Variants in WDR37 observed in about 807,000 individuals in gnomAD.
WDR37 encodes the protein WD repeat domain 37.
A neutral mutation model predicts 62.9 loss-of-function variants in WDR37; 19 were observed. That is an observed-to-expected ratio of 0.30 (90% CI 0.21 to 0.44). WDR37 has a LOEUF of 0.44. WDR37 is among the 20% of genes least tolerant of loss of function. The pLI is 1.00. For synonymous variants in WDR37, 250 were observed against 260.9 expected (o/e 0.96, Z 0.40); for missense variants, 474 against 657.6 (o/e 0.72, Z 3.05).
chr10:1,065,834 A>T (rs1285860565), intron 1 of WDR37, among the ~76,000 whole-genome samples: 2 of 152,194 alleles, frequency 1.3e-5, no homozygotes, highest in African/African-American at 4.8e-5. Flanking sequence ...AGCCAAATCA[A>T]TAAGGTAGTA....
At chr10:1,087,623 A>C (rs529276814) in intron 7 of WDR37, among the ~76,000 whole-genome samples, 3 of 151,610 alleles carry the variant, frequency 2.0e-5, no homozygotes, top group African/African-American at 7.3e-5. Context: ...TCTTAATGGT[A>C]GGCTTAAAAT....
At chr10:1,091,614 C>G (rs936181698) in intron 7 of WDR37, among the ~76,000 whole-genome samples, 1 of 152,170 alleles carries the variant, frequency 6.6e-6, no homozygotes, top group Non-Finnish European at 1.5e-5. Context: ...TTGGTGTCCC[C>G]AGAGTGACAG....
chr10:1,114,484 G>T (rs540835856), intron 11 of WDR37, among the ~76,000 whole-genome samples: 2 of 152,206 alleles, frequency 1.3e-5, no homozygotes. Context: ...GTGTTTTTTA[G>T]TGGTAAAATT....
intron 2 of WDR37, among the ~76,000 whole-genome samples, chr10:1,073,172 A>G (rs776956630): frequency 1.3e-5 from 2 of 152,218 alleles, no homozygotes; most frequent in Admixed American, 6.5e-5. Context: ...CAGTATATTT[A>G]TATTAAAATA....
In WDR37 at chr10:1,105,751, C is replaced by G. The variant is rs774226257; in HGVS notation, c.1103+484C>G. On this transcript the variant is annotated intron_variant, in intron 11 of 13. Coordinates refer to ENST00000263150, the MANE Select transcript of WDR37 (RefSeq NM_014023.4). This position sits in a 1 kb window ranked among gnomAD's most constrained non-coding sequence, Gnocchi z 5.3. ...ACATAGACCCTCAATCCAGTGTGTC[C>G]CTCTCTGCTTGGGTTTCTCTCCGGC... Among the ~76,000 whole-genome samples the G allele has an allele frequency of 2.8e-4, 43 of 151,992 alleles. No homozygotes were observed. Among genetic ancestry groups the G allele is most frequent in the Non-Finnish European group, 3.4e-4 (23 of 68,010 alleles).
At position 1,103,300 on chromosome 10, in the gene WDR37, C is replaced by A. The variant is rs781520989; in HGVS notation, c.727-302C>A. 3.9e-5 allele frequency among the ~76,000 whole-genome samples: 6 copies of A among 152,158 alleles called. No individual in the cohort carries two copies. The highest frequency in any genetic ancestry group is 6.5e-5 in the Admixed American group (1 of 15,278). On this transcript the variant is annotated intron_variant, in intron 9 of 13. Coordinates refer to ENST00000263150, the MANE Select transcript of WDR37 (RefSeq NM_014023.4). The surrounding 1 kb of genome is among the most constrained non-coding windows in gnomAD (Gnocchi z 6.3). Reference sequence around the variant, plus strand: ...TGATGAAAGCTTAAATGTTGAAAATCATTTTATTTGCCATTCTGTTGATGC... The same window carrying A: ...TGATGAAAGCTTAAATGTTGAAAATAATTTTATTTGCCATTCTGTTGATGC...
intron 1 of WDR37, among the ~76,000 whole-genome samples, chr10:1,068,943 A>G (rs902061692): frequency 3.3e-5 from 5 of 152,262 alleles, no homozygotes; most frequent in African/African-American, 1.2e-4. Flanking sequence ...GTCACAGACC[A>G]GAGCGTATGT....
chr10:1,123,867 G>A (rs1165725485), intron 11 of WDR37: 1 of 214,184 alleles, frequency 4.7e-6, no homozygotes, highest in African/African-American at 2.3e-5. Context: ...TTGATTGACA[G>A]TTGTTGTTGG....
chr10:1,080,013 C>T lies in WDR37; in HGVS notation c.238C>T (p.Arg80Cys). The T allele has an allele frequency of 1.9e-6, 3 of 1,613,762 alleles. No homozygotes were observed. Among genetic ancestry groups the T allele is most frequent in the Non-Finnish European group, 1.7e-6 (2 of 1,179,826 alleles). The change falls in exon 4 of 14, where the codon CGT (arginine) becomes TGT (cysteine). Residue 80 changes from arginine to cysteine, a missense_variant and splice_region_variant. By Grantham distance (180) the Arg-to-Cys change is radical (BLOSUM62 -3). Transcript: ENST00000263150. ...TTTGAAAACTTTTTTCTTCCCAGTA[C>T]GTAGAGAAATCGACACTCTTAATGA... The part of the protein sequence containing the change: ...ENLYIENLEL[R>C]REIDTLNERL...
Position 1,080,489 on chromosome 10 carries a change from C to T in WDR37, c.396+13C>T. On this transcript the variant is annotated intron_variant, in intron 5 of 13. Transcript: ENST00000263150. ...TTCCACCAGCAAGGTATGCAGGCCA[C>T]TGGCTCTTGAGCCATCATGTGGTGG... is the stretch of plus-strand genomic sequence containing the variant. 6.2e-7 allele frequency: 1 copy of T among 1,614,124 alleles called. No individual in the cohort carries two copies. Among genetic ancestry groups the T allele is most frequent in the Non-Finnish European group, 8.5e-7 (1 of 1,179,984 alleles).
At chr10:1,073,241 A>G (rs1326095654) in intron 2 of WDR37, among the ~76,000 whole-genome samples, 4 of 152,200 alleles carry the variant, frequency 2.6e-5, no homozygotes, top group East Asian at 1.9e-4. Flanking sequence ...TAAACTTACA[A>G]CCATTCCTTC....
intron 9 of WDR37, among the ~76,000 whole-genome samples, chr10:1,097,800 C>T (rs866232386): frequency 6.6e-6 from 1 of 152,192 alleles, no homozygotes; most frequent in South Asian, 2.1e-4. Context: ...TTGCCTCTTT[C>T]TCTCTTTTGG....
chr10:1,103,986 T>A lies in WDR37; in HGVS notation c.961+150T>A. ...GGTAATTTTTGGAGATTCTTTCTAT[T>A]AATAATAGAACTATTGGTAGCTAAA... On this transcript the variant is annotated intron_variant, in intron 10 of 13. Transcript: ENST00000263150. The surrounding 1 kb of genome is among the most constrained non-coding windows in gnomAD (Gnocchi z 6.3). The A allele has an allele frequency of 1.3e-6, 1 of 759,742 alleles. No individual in the cohort carries two copies. Among genetic ancestry groups the A allele is most frequent in the Non-Finnish European group, 2.1e-6 (1 of 478,066 alleles). 47.1% of individuals were successfully genotyped at this position (759,742 alleles called of 1,614,324 possible). A position where few individuals can be genotyped will look rare whatever the true frequency, so the allele number is the denominator to read the frequency against.
At chr10:1,076,293 C>G (rs1833875613) in intron 2 of WDR37, among the ~76,000 whole-genome samples, 1 of 152,060 alleles carries the variant, frequency 6.6e-6, no homozygotes, top group Non-Finnish European at 1.5e-5. Flanking sequence ...CTGTAAAACT[C>G]ACATTGCTAA....
At chr10:1,102,404 A>T (rs541105440) in intron 9 of WDR37, among the ~76,000 whole-genome samples, 2 of 152,344 alleles carry the variant, frequency 1.3e-5, no homozygotes, top group South Asian at 2.1e-4. Context: ...TATAAAAAAT[A>T]CTTGAGACAG....
At chr10:1,094,147 C>T (rs968651550) in intron 8 of WDR37, among the ~76,000 whole-genome samples, 3 of 152,122 alleles carry the variant, frequency 2.0e-5, no homozygotes, top group Non-Finnish European at 4.4e-5. Flanking sequence ...TATGATTTTT[C>T]TGTAAAGGAG....
At chr10:1,093,395 G>A (rs1834465859) in intron 7 of WDR37, 57 bp from the exon 8 acceptor site, 1 of 1,389,866 alleles carries the variant, frequency 7.2e-7, no homozygotes, top group African/African-American at 1.4e-5. Flanking sequence ...GCTAATAAAT[G>A]TTGATAACAT....
At chr10:1,067,258 A>G (rs572534491) in intron 1 of WDR37, among the ~76,000 whole-genome samples, 9 of 152,332 alleles carry the variant, frequency 5.9e-5, no homozygotes, top group African/African-American at 2.2e-4. Context: ...CAACAAAAAA[A>G]CCTTGACTTA....
In WDR37 at chr10:1,086,271, A is replaced by C. The variant is rs373973231; in HGVS notation, c.533-15A>C. 44 of 1,612,852 alleles carry C rather than the reference A, an allele frequency of 2.7e-5. No individual in the cohort carries two copies. The highest frequency in any genetic ancestry group is 3.6e-5 in the Non-Finnish European group (42 of 1,179,192). On this transcript the variant is annotated splice_polypyrimidine_tract_variant and intron_variant, in intron 6 of 13. Transcript: ENST00000263150. Reference sequence around the variant, plus strand: ...ATGATAGCTAAGTTCCGACTTCTTCATTTCCATCTTGCAGATCACACGGCT... The same window carrying C: ...ATGATAGCTAAGTTCCGACTTCTTCCTTTCCATCTTGCAGATCACACGGCT...
Sources: gnomAD v4.1 joint callset for allele counts (sites outside exome capture counted in the v4.1 genomes callset) on GRCh38, gnomAD v4.1.1 for gene constraint, Gnocchi (gnomAD v3.1) non-coding constraint, MANE v1.5 for transcripts, NCBI Gene and HGNC (gene_info 2026-07-23, HGNC 2026-07-21) for gene names.